Variants in DIP2C observed in about 807,000 individuals in gnomAD.
DIP2C encodes the protein DIP2 acetate--CoA ligase C (putative).
DIP2C carries 33 observed loss-of-function variants against 192.4 expected under a neutral mutation model. That is an observed-to-expected ratio of 0.17 (90% CI 0.13 to 0.23). DIP2C has a LOEUF of 0.23. Ranked by LOEUF, DIP2C falls within the 10% of genes least tolerant of loss-of-function variation. The pLI is 1.00. For synonymous variants in DIP2C, 979 were observed against 864.1 expected, an observed-to-expected ratio of 1.13 and a Z score of -2.33; for missense variants, 1,537 against 2,110.1, an observed-to-expected ratio of 0.73 and a Z score of 5.32.
chr10:622,863 G>C (rs1407103723), intron 1 of DIP2C, among the ~76,000 whole-genome samples: 1 of 152,312 alleles, frequency 6.6e-6, no homozygotes, highest in Middle Eastern at 3.4e-3. Flanking sequence ...GTTAGACACT[G>C]GGTATGGGGT....
intron 1 of DIP2C, among the ~76,000 whole-genome samples, chr10:529,554 T>C (rs764081813): frequency 3.3e-5 from 5 of 151,984 alleles, no homozygotes; most frequent in Non-Finnish European, 7.4e-5. Flanking sequence ...AAAAGGGAGA[T>C]ATGGGAAAAC....
intron 1 of DIP2C, among the ~76,000 whole-genome samples, chr10:596,159 G>A (rs542023265): frequency 3.3e-5 from 5 of 152,096 alleles, no homozygotes; most frequent in South Asian, 4.2e-4. Context: ...CACAGATAAC[G>A]TTTTAAAAAA....
chr10:499,420 T>A (rs994392010), intron 1 of DIP2C, among the ~76,000 whole-genome samples: 6 of 152,224 alleles, frequency 3.9e-5, no homozygotes, highest in African/African-American at 1.4e-4. Context: ...AGCAGTTTGA[T>A]TGACTCACAG....
At chr10:605,979 C>T (rs564817801) in intron 1 of DIP2C, among the ~76,000 whole-genome samples, 7 of 152,230 alleles carry the variant, frequency 4.6e-5, no homozygotes, top group African/African-American at 1.4e-4. Flanking sequence ...GCGAGACGTT[C>T]CCCCCCACTT....
intron 7 of DIP2C, among the ~76,000 whole-genome samples, chr10:414,739 G>GTGTGTGTATATA: frequency 0.024 from 2,173 of 90,468 alleles, 167 homozygotes; most frequent in East Asian, 0.034. Context: ...GTGTGTGTGT[G>GTGTGTGTATATA]TACATATATA....
At chr10:459,530 T>C (rs945190387) in intron 3 of DIP2C, among the ~76,000 whole-genome samples, 2 of 152,258 alleles carry the variant, frequency 1.3e-5, no homozygotes, top group African/African-American at 4.8e-5. Flanking sequence ...CAGAATGGCC[T>C]GCTGCACATG....
At chr10:419,275 G>A in intron 5 of DIP2C, 76 bp from the exon 6 acceptor site, 2 of 1,596,790 alleles carry the variant, frequency 1.3e-6, no homozygotes, top group African/African-American at 1.3e-5. Flanking sequence ...CACAGCCCAG[G>A]AAGAGACTGA....
intron 29 of DIP2C, among the ~76,000 whole-genome samples, chr10:338,686 A>C (rs1486991406): frequency 6.6e-6 from 1 of 152,068 alleles, no homozygotes; most frequent in Non-Finnish European, 1.5e-5. Context: ...CTGATTTCTA[A>C]TTCCCCACAC....
chr10:522,244 T>G (rs1846758704), intron 1 of DIP2C, among the ~76,000 whole-genome samples: 1 of 152,228 alleles, frequency 6.6e-6, no homozygotes, highest in African/African-American at 2.4e-5. Flanking sequence ...TTCCATGTCT[T>G]TTCATGGATT....
chr10:594,476 C>A (rs921157568), intron 1 of DIP2C, among the ~76,000 whole-genome samples: 3 of 151,254 alleles, frequency 2.0e-5, no homozygotes, highest in East Asian at 3.9e-4. Flanking sequence ...ACCATTTCAA[C>A]GTAAGGGAAC....
chr10:603,880 C>T (rs1203157117), intron 1 of DIP2C, among the ~76,000 whole-genome samples: 1 of 152,158 alleles, frequency 6.6e-6, no homozygotes, highest in African/African-American at 2.4e-5. Context: ...CAGCTTGGCT[C>T]ACAGCCCCAC....
rs571841203 is a variant in DIP2C at position 532,050 on chromosome 10, C to T, written c.86-45520G>A. ...CAGATGGCTGCTGTTCCAAGTATGA[C>T]GAGTCCCCTTTAGTGCCATAAATCC... On this transcript the variant is annotated intron_variant, in intron 1 of 36. Coordinates refer to ENST00000280886, the MANE Select transcript of DIP2C (RefSeq NM_014974.3). 8.5e-5 allele frequency among the ~76,000 whole-genome samples: 13 copies of T among 152,308 alleles called. No homozygotes were observed. In the East Asian group the frequency reaches 2.5e-3, roughly 29 times the overall value.
At chr10:374,989 A>AC in intron 17 of DIP2C, among the ~76,000 whole-genome samples, 1 of 152,246 alleles carries the variant, frequency 6.6e-6, no homozygotes, top group Non-Finnish European at 1.5e-5. Flanking sequence ...AGGAGGGACC[A>AC]TCTCAGTGAT....
At chr10:442,473 T>C (rs1053074531) in intron 3 of DIP2C, among the ~76,000 whole-genome samples, 9 of 152,200 alleles carry the variant, frequency 5.9e-5, no homozygotes, top group Non-Finnish European at 4.4e-5. Context: ...GGCTCATCAG[T>C]GAGGTGACAC....
At chr10:686,221 C>T (rs1184357458) in intron 1 of DIP2C, among the ~76,000 whole-genome samples, 1 of 152,180 alleles carries the variant, frequency 6.6e-6, no homozygotes, top group Non-Finnish European at 1.5e-5. Context: ...CAGAATGGAG[C>T]TCCAGATCAC....
At chr10:285,153 C>CAA (rs34031685) in intron 34 of DIP2C, among the ~76,000 whole-genome samples, 2,281 of 123,860 alleles carry the variant, frequency 0.018, 46 homozygotes, top group African/African-American at 0.04. Flanking sequence ...AGTGAGGGGC[C>CAA]AAAAAAAAAA....
chr10:353,238 T>C lies in DIP2C; in HGVS notation c.2985+3188A>G, dbSNP rs1304006940. Among the ~76,000 whole-genome samples the C allele has an allele frequency of 2.6e-5, 4 of 152,064 alleles. No individual in the cohort carries two copies. The East Asian group carries it at 5.8e-4, about 22-fold the overall frequency. The stretch of plus-strand genomic sequence containing the variant: ...ACATTCACTGTCAGTTTCTGTAAAC[T>C]TGGGACCATTTTAACGTTTCACATT... On this transcript the variant is annotated intron_variant, in intron 24 of 36. Transcript: ENST00000280886.
intron 1 of DIP2C, among the ~76,000 whole-genome samples, chr10:573,867 T>C (rs1262728213): frequency 2.0e-5 from 3 of 152,202 alleles, no homozygotes; most frequent in African/African-American, 7.2e-5. Flanking sequence ...ATGTATTTTA[T>C]TCACAGAAGC....
At chr10:298,725 G>A (rs1400815133) in intron 32 of DIP2C, among the ~76,000 whole-genome samples, 1 of 152,216 alleles carries the variant, frequency 6.6e-6, no homozygotes, top group African/African-American at 2.4e-5. Context: ...AGTGTGCACA[G>A]GGCAGAGAAG....
Sources: allele counts gnomAD v4.1 joint callset (sites outside exome capture counted in the v4.1 genomes callset), GRCh38; gene constraint gnomAD v4.1.1; transcripts MANE v1.5; gene names NCBI Gene and HGNC (gene_info 2026-07-23, HGNC 2026-07-21).